Variants in CHST7 observed in about 807,000 individuals in gnomAD.
The protein encoded by CHST7 is N-acetylglucosamine 6-O-sulfotransferase 4.
CHST7 carries 5 observed loss-of-function variants against 9.0 expected under a neutral mutation model. The ratio of observed to expected loss-of-function variants is 0.56; its 90% CI spans 0.29 to 1.17. CHST7 has a LOEUF of 1.17. CHST7 is among the 50% of genes most tolerant of loss of function. The probability of loss-of-function intolerance (pLI) is 0.08; values close to 1 mark genes in which losing one functional copy is unlikely to be tolerated. For synonymous variants in CHST7, 244 were observed against 237.1 expected (o/e 1.03, Z -0.27); for missense variants, 377 against 485.1 (o/e 0.78, Z 2.09).
At chrX:46,588,635 G>A (rs1186251219) in intron 1 of CHST7, among the ~76,000 whole-genome samples, 1 of 110,990 alleles carries the variant, frequency 9.0e-6, no homozygotes, top group Non-Finnish European at 1.9e-5. Context: ...GGCCTGGCTG[G>A]TCATTTAAAC....
At chrX:46,583,962 G>GT (rs1298012914) in intron 1 of CHST7, among the ~76,000 whole-genome samples, 15 of 112,257 alleles carry the variant, frequency 1.3e-4, no homozygotes, top group Non-Finnish European at 2.3e-4. Context: ...TCACATCTGA[G>GT]TGAGAACATG....
rs771287502 is a variant in CHST7, at chrX:46,574,773, G to C, written c.842G>C (p.Arg281Thr). ...GTGGTGCAGCTTTTCCGCGACCCGA[G>C]GGCGGTGCACAACTCGCGCCTCAAG... Reference protein sequence around the residue: ...LKVVQLFRDPRAVHNSRLKSR... With the variant: ...LKVVQLFRDPTAVHNSRLKSR... Residue 281 changes from arginine (R) to threonine (T), a missense_variant, in exon 1 of 2, where the codon AGG (arginine) becomes ACG (threonine). Transcript: ENST00000276055. 4 of 1,205,956 alleles carry C rather than the reference G, an allele frequency of 3.3e-6. No individual in the cohort carries two copies. Among genetic ancestry groups the C allele is most frequent in the Non-Finnish European group, 4.5e-6 (4 of 892,589 alleles).
chrX:46,588,777 G>C (rs1287612253), intron 1 of CHST7, among the ~76,000 whole-genome samples: 1 of 109,937 alleles, frequency 9.1e-6, no homozygotes, highest in Non-Finnish European at 1.9e-5. Flanking sequence ...GAATATTGAG[G>C]AATGACCTCA....
intron 1 of CHST7, among the ~76,000 whole-genome samples, chrX:46,596,212 T>C (rs1285843347): frequency 9.0e-6 from 1 of 111,012 alleles, no homozygotes; most frequent in Admixed American, 9.6e-5. Context: ...TGGCTCTTTA[T>C]GTAAGTAACC....
chrX:46,580,190 TG>T (rs1322662504), intron 1 of CHST7, among the ~76,000 whole-genome samples: 7 of 108,872 alleles, frequency 6.4e-5, no homozygotes, highest in African/African-American at 2.3e-4. Flanking sequence ...CCCCAGTAGC[TG>T]GGACTACAGG....
At position 46,574,924 on chromosome X, in the gene CHST7, G is replaced by A. The variant is rs1942489234; in HGVS notation, c.993G>A (p.Leu331=). 1.8e-6 allele frequency: 2 copies of A among 1,141,038 alleles called. No homozygotes were observed. The highest frequency in any genetic ancestry group is 4.0e-5 in the South Asian group (2 of 49,780). The allele number at this position is 1,141,038 out of a possible 1,213,427, so 94.0% of individuals were successfully genotyped here. A position where few individuals can be genotyped will look rare whatever the true frequency, so the allele number is the denominator to read the frequency against. Residue 331 remains leucine, a synonymous_variant, in exon 1 of 2, where the codon CTG becomes CTA. Coordinates refer to ENST00000276055, the MANE Select transcript of CHST7 (RefSeq NM_019886.4). ...GARPGGQSRA[L]PAAPRADFFL... ...GCCCCGGGGGCCAGTCTCGCGCGCT[G>A]CCCGCCGCGCCGCGCGCCGATTTCT...
At position 46,574,810 on chromosome X, in the gene CHST7, A is replaced by G; in HGVS notation, c.879A>G (p.Gly293=). 1 of 1,196,449 alleles carries G rather than the reference A, an allele frequency of 8.4e-7. No homozygotes were observed. The highest frequency in any genetic ancestry group is 1.1e-6 in the Non-Finnish European group (1 of 887,975). Residue 293 remains glycine (G), a synonymous_variant, in exon 1 of 2, where the codon GGA becomes GGG. Coordinates refer to ENST00000276055, the MANE Select transcript of CHST7 (RefSeq NM_019886.4). The part of the protein sequence containing the change: ...VHNSRLKSRQ[G]LLRESIQVLR... ...ACTCGCGCCTCAAGTCTAGGCAGGG[A>G]CTGCTGCGCGAGAGCATCCAGGTGC...
rs1942480341 is a variant in CHST7 at position 46,573,940 on chromosome X, C to CCGG, written c.18_20dup (p.Arg9dup). 1 of 1,155,031 alleles carries CCGG rather than the reference C, an allele frequency of 8.7e-7. No individual in the cohort carries two copies. The highest frequency in any genetic ancestry group is 1.1e-6 in the Non-Finnish European group (1 of 872,505). On this transcript the variant is annotated inframe_insertion, in exon 1 of 2. Transcript: ENST00000276055. The stretch of plus-strand genomic sequence containing the variant: ...TGGAGGGTCGGTGAACGATGAAGGG[C>CCGG]CGGCGGCGGCGACGCCGAGAGTACT...
intron 1 of CHST7, among the ~76,000 whole-genome samples, chrX:46,584,099 A>G (rs960360594): frequency 2.0e-4 from 22 of 112,445 alleles, no homozygotes; most frequent in Admixed American, 5.7e-4. Flanking sequence ...TTTGATTTCA[A>G]TGATGACTAT....
chrX:46,578,331 C>T (rs1942509543), intron 1 of CHST7, among the ~76,000 whole-genome samples: 1 of 79,352 alleles, frequency 1.3e-5, no homozygotes, highest in Admixed American at 1.9e-4. Context: ...GGCTGGAGTA[C>T]AGTGGTGTAA....
intron 1 of CHST7, 23 bp downstream of exon 1, chrX:46,575,446 AG>A: frequency 1.0e-6 from 1 of 1,002,895 alleles, no homozygotes; most frequent in Non-Finnish European, 1.3e-6. Context: ...GGGGCAAGGC[AG>A]GGACCGGGAC....
intron 1 of CHST7, 23 bp from the exon 2 acceptor site, chrX:46,597,737 G>A (rs1452895579): frequency 1.8e-5 from 2 of 112,892 alleles, no homozygotes; most frequent in African/African-American, 6.4e-5. Context: ...AAGTTCAGAC[G>A]TCCTTTGTTC....
chrX:46,585,895 GCCA>G (rs1225301906), intron 1 of CHST7, among the ~76,000 whole-genome samples: 4 of 110,801 alleles, frequency 3.6e-5, no homozygotes, highest in Admixed American at 9.6e-5. Flanking sequence ...ACAGGCACCT[GCCA>G]CCACGCCTGG....
At position 46,574,154 on chromosome X, in the gene CHST7, G is replaced by A; in HGVS notation, c.223G>A (p.Glu75Lys). ...REQGAEARAA[E>K]EGGANQSPRF... ...GCAGGGAGCGGAGGCGCGGGCCGCC[G>A]AGGAAGGGGGCGCGAACCAGTCTCC... Residue 75 changes from glutamate (E) to lysine (K), a missense_variant, in exon 1 of 2, where the codon GAG becomes AAG. Transcript: ENST00000276055. The A allele has an allele frequency of 8.5e-7, 1 of 1,171,650 alleles. No homozygotes were observed. Among genetic ancestry groups the A allele is most frequent in the Non-Finnish European group, 1.1e-6 (1 of 874,760 alleles).
intron 1 of CHST7, among the ~76,000 whole-genome samples, chrX:46,583,045 C>T (rs1313183068): frequency 1.9e-5 from 2 of 107,639 alleles, no homozygotes; most frequent in Non-Finnish European, 1.9e-5. Flanking sequence ...CATTTACAAA[C>T]AGCTGGTTTA....
intron 1 of CHST7, among the ~76,000 whole-genome samples, chrX:46,593,563 T>G (rs1942581310): frequency 8.9e-6 from 1 of 111,989 alleles, no homozygotes; most frequent in African/African-American, 3.2e-5. Context: ...CTCATTATAT[T>G]AGAAATTAAT....
At chrX:46,575,533 A>G (rs1741075883) in intron 1 of CHST7, 110 bp downstream of exon 1, 1 of 649,795 alleles carries the variant, frequency 1.5e-6, no homozygotes, top group African/African-American at 2.3e-5. Flanking sequence ...ATCCCATTCT[A>G]TCAGATCAGG....
chrX:46,585,211 A>G (rs1307913024), intron 1 of CHST7, among the ~76,000 whole-genome samples: 1 of 110,974 alleles, frequency 9.0e-6, no homozygotes, highest in Non-Finnish European at 1.9e-5. Context: ...GCACATAACA[A>G]AAAAGTTCCT....
At chrX:46,582,936 G>GT (rs1321433158) in intron 1 of CHST7, among the ~76,000 whole-genome samples, 2 of 89,452 alleles carry the variant, frequency 2.2e-5, no homozygotes, top group Admixed American at 2.6e-4. Flanking sequence ...GATTCAGACG[G>GT]TTTTCTAAGA....
Sources: allele counts gnomAD v4.1 joint callset (sites outside exome capture counted in the v4.1 genomes callset), GRCh38; gene constraint gnomAD v4.1.1; transcripts MANE v1.5; gene names NCBI Gene and HGNC (gene_info 2026-07-23, HGNC 2026-07-21).